Variants in RAMP3 observed in about 807,000 individuals in gnomAD.
The protein encoded by RAMP3 is receptor activity-modifying protein 3.
RAMP3 carries 14 observed loss-of-function variants against 13.5 expected under a neutral mutation model. The ratio of observed to expected loss-of-function variants is 1.04; its 90% confidence interval spans 0.69 to 1.63. The LOEUF (loss-of-function observed/expected upper bound fraction) is 1.63, where lower values mean the gene tolerates loss of function less well. RAMP3 is among the 40% of genes most tolerant of loss of function. RAMP3 has a pLI of 0.00. For missense variants in RAMP3, 200 were observed against 204.8 expected, an observed-to-expected ratio of 0.98 and a Z score of 0.14; for synonymous variants, 106 against 88.3, an observed-to-expected ratio of 1.20 and a Z score of -1.12.
At chr7:45,182,862 G>T (rs1009712927) in intron 2 of RAMP3, among the ~76,000 whole-genome samples, 1 of 152,156 alleles carries the variant, frequency 6.6e-6, no homozygotes, top group Non-Finnish European at 1.5e-5. Flanking sequence ...GCAGACCTGC[G>T]TAGTGCTTAG....
chr7:45,158,044 CG>C (rs1382564513), intron 1 of RAMP3, among the ~76,000 whole-genome samples, 158 bp downstream of exon 1: 1 of 152,196 alleles, frequency 6.6e-6, no homozygotes, highest in Non-Finnish European at 1.5e-5. Context: ...CCAGGCTCTG[CG>C]GGAGGGTTCC....
At chr7:45,175,776 G>C (rs1306274935) in intron 1 of RAMP3, among the ~76,000 whole-genome samples, 1 of 152,108 alleles carries the variant, frequency 6.6e-6, no homozygotes, top group Non-Finnish European at 1.5e-5. Flanking sequence ...TTTGGCCTTA[G>C]ACAAGCCACT....
At chr7:45,168,183 C>G (rs1386454191) in intron 1 of RAMP3, among the ~76,000 whole-genome samples, 1 of 151,762 alleles carries the variant, frequency 6.6e-6, no homozygotes, top group Non-Finnish European at 1.5e-5. Context: ...GGTGGATCAC[C>G]TGAGGTCAGG....
intron 1 of RAMP3, among the ~76,000 whole-genome samples, chr7:45,175,267 T>C (rs1056097989): frequency 6.6e-6 from 1 of 152,170 alleles, no homozygotes; most frequent in African/African-American, 2.4e-5. Flanking sequence ...ACTGACCCTG[T>C]GTCCAGGGGC....
chr7:45,171,829 A>G (rs2128657021), intron 1 of RAMP3, among the ~76,000 whole-genome samples: 1 of 152,334 alleles, frequency 6.6e-6, no homozygotes. Context: ...AAATATAGTC[A>G]ATCCCTTCTG....
chr7:45,177,174 C>A, intron 1 of RAMP3, 135 bp from the exon 2 acceptor site: 1 of 1,162,306 alleles, frequency 8.6e-7, no homozygotes, highest in Non-Finnish European at 1.2e-6. Flanking sequence ...GGGTGAAGGA[C>A]TCCGCTGGAA....
chr7:45,163,918 C>A (rs1483220858), intron 1 of RAMP3: 1 of 982,180 alleles, frequency 1.0e-6, no homozygotes, highest in African/African-American at 1.7e-5. Flanking sequence ...GATGCTTGCC[C>A]AGGATTCCAT....
intron 1 of RAMP3, among the ~76,000 whole-genome samples, chr7:45,162,008 C>G (rs1440165080): frequency 6.6e-6 from 1 of 152,152 alleles, no homozygotes; most frequent in Non-Finnish European, 1.5e-5. Flanking sequence ...CTAGGCGAAC[C>G]TTCAGAGTCC....
intron 1 of RAMP3, among the ~76,000 whole-genome samples, chr7:45,164,035 C>T (rs1049330097): frequency 8.5e-5 from 13 of 152,230 alleles, no homozygotes; most frequent in African/African-American, 3.1e-4. Context: ...AAGACCTGTA[C>T]ATCCTGCTCC....
intron 1 of RAMP3, among the ~76,000 whole-genome samples, chr7:45,170,339 A>T (rs7784493): frequency 0.27 from 41,439 of 151,426 alleles, 7,063 homozygotes; most frequent in African/African-American, 0.48. Context: ...TTATTTTATT[A>T]TTTATTTATT....
chr7:45,183,202 C>T lies in RAMP3; in HGVS notation c.237C>T (p.Val79=), dbSNP rs559068538. Residue 79 remains valine (V), a synonymous_variant, in exon 3 of 3, where the codon GTC becomes GTT. Transcript: ENST00000242249. Reference sequence around the variant, plus strand: ...ACTGCACCGAGATGGAGGCCAATGTCGTGGGCTGCTACTGGCCCAACCCCC... The same window carrying T: ...ACTGCACCGAGATGGAGGCCAATGTTGTGGGCTGCTACTGGCCCAACCCCC... ...FTNCTEMEAN[V]VGCYWPNPLA... 998 of 1,613,446 alleles carry T rather than the reference C, an allele frequency of 6.2e-4. 8 individuals are homozygous for T. The South Asian group carries it at 9.7e-3, about 16-fold the overall frequency.
chr7:45,157,882 C>G lies in RAMP3; in HGVS notation c.54C>G (p.Leu18=). ...RPQLLPLLLL[L]CGGCPRAGGC... ...AACTTCTCCCGTTGCTGCTGCTGCT[C>G]TGCGGTAAGGGGGCGACGGCCCGCA... The change falls in exon 1 of 3, where the codon CTC becomes CTG. Residue 18 remains leucine (L), a synonymous_variant. Transcript: ENST00000242249. 5 of 1,394,886 alleles carry G rather than the reference C, an allele frequency of 3.6e-6. No individual in the cohort carries two copies. Among genetic ancestry groups the G allele is most frequent in the Middle Eastern group, 2.0e-4 (1 of 5,032 alleles). The allele number at this position is 1,394,886 out of a possible 1,614,324, so 86.4% of individuals were successfully genotyped here.
At chr7:45,161,510 A>G (rs1053695518) in intron 1 of RAMP3, among the ~76,000 whole-genome samples, 3 of 150,994 alleles carry the variant, frequency 2.0e-5, no homozygotes, top group Admixed American at 2.0e-4. Flanking sequence ...AGGAACAGCC[A>G]TGACTTGGGC....
chr7:45,167,019 A>G (rs1421696912), intron 1 of RAMP3, among the ~76,000 whole-genome samples: 2 of 132,078 alleles, frequency 1.5e-5, no homozygotes, highest in African/African-American at 6.1e-5. Context: ...GTGCAGTGGT[A>G]TGATCTCCGC....
At chr7:45,157,990 GC>G in intron 1 of RAMP3, 104 bp downstream of exon 1, 6 of 1,136,590 alleles carry the variant, frequency 5.3e-6, no homozygotes, top group Non-Finnish European at 6.8e-6. Flanking sequence ...TCCTTCCCTT[GC>G]CCCGGAGCTC....
At chr7:45,172,468 C>G (rs899100918) in intron 1 of RAMP3, among the ~76,000 whole-genome samples, 1 of 152,136 alleles carries the variant, frequency 6.6e-6, no homozygotes, top group African/African-American at 2.4e-5. Context: ...GTCTGTACCC[C>G]CTTGTTGAGT....
At chr7:45,159,537 A>T (rs1204912797) in intron 1 of RAMP3, among the ~76,000 whole-genome samples, 1 of 152,220 alleles carries the variant, frequency 6.6e-6, no homozygotes, top group Non-Finnish European at 1.5e-5. Context: ...TGCGAAGTCC[A>T]GCAGTTGTCT....
chr7:45,157,851 GC>G lies in RAMP3; in HGVS notation c.26del (p.Pro9ArgfsTer39). 1 of 1,419,256 alleles carries G rather than the reference GC, an allele frequency of 7.0e-7. No homozygotes were observed. The highest frequency in any genetic ancestry group is 9.1e-7 in the Non-Finnish European group (1 of 1,094,388). The allele number at this position is 1,419,256 out of a possible 1,614,324, so 87.9% of individuals were successfully genotyped here. On this transcript the variant is annotated frameshift_variant, in exon 1 of 3. Coordinates refer to ENST00000242249, the MANE Select transcript of RAMP3 (RefSeq NM_005856.3). LOFTEE classifies it high-confidence loss of function. METGALR[R>X]PQLLPLLLLL... Reference sequence around the variant, plus strand: ...GCCATGGAGACTGGAGCGCTGCGGCGCCCGCAACTTCTCCCGTTGCTGCTGC... The same window carrying G: ...GCCATGGAGACTGGAGCGCTGCGGCGCCGCAACTTCTCCCGTTGCTGCTGC...
At chr7:45,177,043 C>T (rs928213821) in intron 1 of RAMP3, among the ~76,000 whole-genome samples, 1 of 152,248 alleles carries the variant, frequency 6.6e-6, no homozygotes, top group East Asian at 1.9e-4. Context: ...GTCTCACTGC[C>T]TGATCCCTGC....
Sources: gnomAD v4.1 joint callset for allele counts (sites outside exome capture counted in the v4.1 genomes callset) on GRCh38, gnomAD v4.1.1 for gene constraint, MANE v1.5 for transcripts, NCBI Gene and HGNC (gene_info 2026-07-23, HGNC 2026-07-21) for gene names.